Variants in NSL1 observed in about 807,000 individuals in gnomAD.
NSL1 encodes the protein kinetochore-associated protein NSL1 homolog.
A neutral mutation model predicts 25.4 loss-of-function variants in NSL1; 11 were observed. The observed-to-expected ratio is 0.43, with a 90% CI of 0.27 to 0.72. The LOEUF (loss-of-function observed/expected upper bound fraction) is 0.72, where lower values mean the gene tolerates loss of function less well. Among genes scored for constraint, NSL1 ranks in the 30% least tolerant of loss-of-function variants. The probability of loss-of-function intolerance (pLI) is 0.19; values close to 1 mark genes in which losing one functional copy is unlikely to be tolerated. For missense variants in NSL1, 330 were observed against 342.7 expected (o/e 0.96, Z 0.29); for synonymous variants, 118 against 120.6 (o/e 0.98, Z 0.14).
intron 4 of NSL1, among the ~76,000 whole-genome samples, chr1:212,750,794 A>G (rs952581480): frequency 6.6e-6 from 1 of 152,002 alleles, no homozygotes; most frequent in Non-Finnish European, 1.5e-5. Flanking sequence ...ACAAAAAATT[A>G]GCCGGGCATG....
At chr1:212,757,718 AG>A (rs1659380980) in intron 4 of NSL1, among the ~76,000 whole-genome samples, 1 of 152,222 alleles carries the variant, frequency 6.6e-6, no homozygotes, top group Non-Finnish European at 1.5e-5. Context: ...GCCACGGATG[AG>A]GGATCTGCCC....
chr1:212,783,734 TA>T (rs1203041059), intron 3 of NSL1, among the ~76,000 whole-genome samples: 8 of 152,228 alleles, frequency 5.3e-5, no homozygotes, highest in Admixed American at 5.2e-4. Context: ...CTAGTCCTAA[TA>T]AATCTGAAAA....
At chr1:212,783,618 C>T (rs887185011) in intron 3 of NSL1, among the ~76,000 whole-genome samples, 1 of 152,328 alleles carries the variant, frequency 6.6e-6, no homozygotes, top group Admixed American at 6.5e-5. Flanking sequence ...CTAAACACAA[C>T]ATGTACCTCA....
At chr1:212,755,107 T>G (rs1172074389) in intron 4 of NSL1, among the ~76,000 whole-genome samples, 2 of 151,958 alleles carry the variant, frequency 1.3e-5, no homozygotes, top group African/African-American at 4.8e-5. Flanking sequence ...ATTAAAACCA[T>G]GAAAGACAGC....
At chr1:212,765,680 C>A (rs191674614) in intron 4 of NSL1, among the ~76,000 whole-genome samples, 22 of 152,006 alleles carry the variant, frequency 1.4e-4, no homozygotes, top group Admixed American at 7.9e-4. Flanking sequence ...AATTAGCATG[C>A]CTGTAATCCC....
In NSL1 at chr1:212,730,115, T is replaced by C. The variant is rs954527965; in HGVS notation, c.*8293A>G. The C allele has an allele frequency of 8.7e-6, 7 of 801,690 alleles. No individual in the cohort carries two copies. The African/African-American group carries it at 1.1e-4, about 13-fold the overall frequency. 49.7% of individuals were successfully genotyped at this position (801,690 alleles called of 1,614,324 possible). On this transcript the variant is annotated 3_prime_UTR_variant, in exon 6 of 6. Coordinates refer to ENST00000366977, the MANE Select transcript of NSL1 (RefSeq NM_015471.4). ...AAATGCAAATATTAGCCCAGCATGG[T>C]AGCACGCGCCTGTAATCCCAGCTAC...
rs199624738 is a variant in NSL1 at position 212,726,574 on chromosome 1, GGC to G, written c.*11832_*11833del. 2,354 of 152,764 alleles carry G rather than the reference GGC, an allele frequency of 0.015. 52 individuals are homozygous for G. Among genetic ancestry groups the G allele is most frequent in the South Asian group, 0.031 (148 of 4,836 alleles). 9.5% of individuals were successfully genotyped at this position (152,764 alleles called of 1,614,324 possible). Reference sequence around the variant, plus strand: ...AATGCCCCTGTCCACCTTGTCTCTGGGCACATCTGATGATAACGTCTGTGGCT... The same window carrying G: ...AATGCCCCTGTCCACCTTGTCTCTGGACATCTGATGATAACGTCTGTGGCT... On this transcript the variant is annotated 3_prime_UTR_variant, in exon 6 of 6. Coordinates refer to ENST00000366977, the MANE Select transcript of NSL1 (RefSeq NM_015471.4).
Position 212,732,126 on chromosome 1 carries a change from AC to A in NSL1, c.*6281del, listed in dbSNP as rs1396373798. 5 of 983,462 alleles carry A rather than the reference AC, an allele frequency of 5.1e-6. No homozygotes were observed. In the Admixed American group the frequency reaches 3.1e-4, roughly 61 times the overall value. 60.9% of individuals were successfully genotyped at this position (983,462 alleles called of 1,614,324 possible). ...GGAGAACTAATTTGTAACCATGATTACATTTCTTTTTTTGTACAGCTTTCTG... is the reference window on the plus strand; with the variant it reads ...GGAGAACTAATTTGTAACCATGATTAATTTCTTTTTTTGTACAGCTTTCTG... On this transcript the variant is annotated 3_prime_UTR_variant, in exon 6 of 6. Coordinates refer to ENST00000366977, the MANE Select transcript of NSL1 (RefSeq NM_015471.4).
chr1:212,741,994 T>C (rs757272173), intron 4 of NSL1, among the ~76,000 whole-genome samples: 2 of 152,154 alleles, frequency 1.3e-5, no homozygotes, highest in Admixed American at 6.5e-5. Flanking sequence ...GAAGACATCA[T>C]TGCACTAATT....
chr1:212,755,167 T>C (rs192228880), intron 4 of NSL1, among the ~76,000 whole-genome samples: 1 of 151,866 alleles, frequency 6.6e-6, no homozygotes, highest in Non-Finnish European at 1.5e-5. Context: ...GAAATGAAAA[T>C]AGAGCAATAT....
intron 1 of NSL1, among the ~76,000 whole-genome samples, chr1:212,791,184 C>CTCAT (rs1457077485): frequency 6.6e-6 from 1 of 152,116 alleles, no homozygotes; most frequent in African/African-American, 2.4e-5. Context: ...TGTAAAATAT[C>CTCAT]TCATTCATTT....
Position 212,728,955 on chromosome 1 carries a change from G to A in NSL1, c.*9453C>T. On this transcript the variant is annotated 3_prime_UTR_variant, in exon 6 of 6. Transcript: ENST00000366977. ...TTGAACGTTTGTTCCCTTTGAATAT[G>A]AAAGAAAAAGAAATGAGGAGTAATT... The A allele has an allele frequency of 1.0e-6, 1 of 985,314 alleles. No individual in the cohort carries two copies. Among genetic ancestry groups the A allele is most frequent in the African/African-American group, 1.7e-5 (1 of 57,326 alleles). The allele number at this position is 985,314 out of a possible 1,614,324, so 61.0% of individuals were successfully genotyped here.
intron 1 of NSL1, among the ~76,000 whole-genome samples, chr1:212,789,462 T>C (rs1408420475): frequency 6.8e-6 from 1 of 146,290 alleles, no homozygotes; most frequent in Non-Finnish European, 1.5e-5. Context: ...TCCGCCCGCC[T>C]CAGCCTCCCA....
In NSL1 at chr1:212,737,454, C is replaced by A; in HGVS notation, c.*954G>T. ...ACAGTTGGTAAGTTTGATGGCCCTG[C>A]CTACACTGTATAATGTAAGACACAC... On this transcript the variant is annotated 3_prime_UTR_variant, in exon 6 of 6. Coordinates refer to ENST00000366977, the MANE Select transcript of NSL1 (RefSeq NM_015471.4). 1 of 985,062 alleles carries A rather than the reference C, an allele frequency of 1.0e-6. No homozygotes were observed. The highest frequency in any genetic ancestry group is 4.7e-5 in the South Asian group (1 of 21,282). The allele number at this position is 985,062 out of a possible 1,614,324, so 61.0% of individuals were successfully genotyped here.
At chr1:212,757,882 G>A (rs1199831721) in intron 4 of NSL1, among the ~76,000 whole-genome samples, 2 of 152,204 alleles carry the variant, frequency 1.3e-5, no homozygotes, top group Non-Finnish European at 2.9e-5. Context: ...ATGGATAAGA[G>A]CAGGAGAGAC....
chr1:212,728,617 G>A lies in NSL1; in HGVS notation c.*9791C>T, dbSNP rs1438365784. 2 of 985,326 alleles carry A rather than the reference G, an allele frequency of 2.0e-6. No individual in the cohort carries two copies. Among genetic ancestry groups the A allele is most frequent in the Non-Finnish European group, 2.4e-6 (2 of 829,934 alleles). The allele number at this position is 985,326 out of a possible 1,614,324, so 61.0% of individuals were successfully genotyped here. On this transcript the variant is annotated 3_prime_UTR_variant, in exon 6 of 6. Coordinates refer to ENST00000366977, the MANE Select transcript of NSL1 (RefSeq NM_015471.4). The stretch of plus-strand genomic sequence containing the variant: ...ATGTTAGGAAAAAAATGGTTTCTGA[G>A]AATTCTGAGGCTCTGATCTGATGAG...
Position 212,732,470 on chromosome 1 carries a change from G to A in NSL1, c.*5938C>T, listed in dbSNP as rs974326987. 1.0e-4 allele frequency: 39 copies of A among 376,034 alleles called. No homozygotes were observed. The highest frequency in any genetic ancestry group is 5.3e-4 in the African/African-American group (24 of 45,454). 23.3% of individuals were successfully genotyped at this position (376,034 alleles called of 1,614,324 possible). On this transcript the variant is annotated 3_prime_UTR_variant, in exon 6 of 6. Coordinates refer to ENST00000366977, the MANE Select transcript of NSL1 (RefSeq NM_015471.4). ...TGGGATTACAGGCATGCGCCACCAC[G>A]CCCAGCTAATTTTGTATTTTTAGTT...
At position 212,731,376 on chromosome 1, in the gene NSL1, C is replaced by T. The variant is rs1004221546; in HGVS notation, c.*7032G>A. Reference sequence around the variant, plus strand: ...TTCAAGACCAGCCGGGGCAATATGGCGAGACCCCATCTCTAAAACAAATAA... The same window carrying T: ...TTCAAGACCAGCCGGGGCAATATGGTGAGACCCCATCTCTAAAACAAATAA... On this transcript the variant is annotated 3_prime_UTR_variant, in exon 6 of 6. Coordinates refer to ENST00000366977, the MANE Select transcript of NSL1 (RefSeq NM_015471.4). The T allele has an allele frequency of 4.2e-5, 41 of 981,386 alleles. No individual in the cohort carries two copies. Among genetic ancestry groups the T allele is most frequent in the Middle Eastern group, 5.3e-4 (1 of 1,896 alleles). The allele number at this position is 981,386 out of a possible 1,614,324, so 60.8% of individuals were successfully genotyped here.
chr1:212,736,230 G>A lies in NSL1; in HGVS notation c.*2178C>T. The A allele has an allele frequency of 1.5e-6, 1 of 681,872 alleles. No homozygotes were observed. The highest frequency in any genetic ancestry group is 6.6e-5 in the South Asian group (1 of 15,106). 42.2% of individuals were successfully genotyped at this position (681,872 alleles called of 1,614,324 possible). ...TTTTTGTATTTTTTGTAGAAATGGA[G>A]TTTCACTATGTTGCCCAGGCTGGGC... On this transcript the variant is annotated 3_prime_UTR_variant, in exon 6 of 6. Transcript: ENST00000366977.
Sources: gnomAD v4.1 joint callset for allele counts (sites outside exome capture counted in the v4.1 genomes callset) on GRCh38, gnomAD v4.1.1 for gene constraint, MANE v1.5 for transcripts, NCBI Gene and HGNC (gene_info 2026-07-23, HGNC 2026-07-21) for gene names.